Variants in SLC14A2 observed in about 807,000 individuals in gnomAD.
SLC14A2 encodes the protein solute carrier family 14 member 2.
In SLC14A2, 91 loss-of-function variants were observed where a neutral mutation model predicts 104.6. That is an observed-to-expected ratio of 0.87 (90% CI 0.73 to 1.04). SLC14A2 has a LOEUF of 1.04. Among genes scored for constraint, SLC14A2 ranks in the 50% least tolerant of loss-of-function variants. The pLI is 0.00. For synonymous variants in SLC14A2, 476 were observed against 466.4 expected, an observed-to-expected ratio of 1.02 and a Z score of -0.27; for missense variants, 1,189 against 1,156.0, an observed-to-expected ratio of 1.03 and a Z score of -0.41.
chr18:45,416,455 T>C (rs1004569866), intron 1 of SLC14A2, among the ~76,000 whole-genome samples: 10 of 152,178 alleles, frequency 6.6e-5, no homozygotes, highest in Non-Finnish European at 1.2e-4. Context: ...TAATAATTGG[T>C]CGTGGCCTTT....
the SLC14A2 span, chr18:45,169,128 A>C: frequency 6.6e-6 from 1 of 152,224 alleles, no homozygotes; most frequent in African/African-American, 2.4e-5. Flanking sequence ...TGTTGACTCT[A>C]AATACACTCC....
intron 2 of SLC14A2, among the ~76,000 whole-genome samples, chr18:45,599,115 T>G (rs896445942): frequency 2.0e-5 from 3 of 152,180 alleles, no homozygotes; most frequent in African/African-American, 7.2e-5. Flanking sequence ...TAAACAAGTC[T>G]ATAAACCAAA....
chr18:45,607,603 T>C (rs963071225), intron 2 of SLC14A2, among the ~76,000 whole-genome samples: 2 of 152,238 alleles, frequency 1.3e-5, no homozygotes, highest in African/African-American at 4.8e-5. Flanking sequence ...TCATTATCTA[T>C]CAAGGTGTGA....
At position 45,414,779 on chromosome 18, in the gene SLC14A2, T is replaced by A. The variant is rs1365340386; in HGVS notation, c.-124-68454T>A. Among the ~76,000 whole-genome samples the A allele has an allele frequency of 5.9e-4, 73 of 123,052 alleles. 2 individuals are homozygous for A. Among genetic ancestry groups the A allele is most frequent in the African/African-American group, 1.6e-3 (48 of 29,204 alleles). The allele number at this position is 123,052 out of a possible 152,430, so 80.7% of individuals were successfully genotyped here. On this transcript the variant is annotated intron_variant, in intron 1 of 20. Transcript: ENST00000586448. ...AAAAATATATATATATATATATATATATATATATATATATATAGAAAAGTA... is the reference window on the plus strand; with the variant it reads ...AAAAATATATATATATATATATATAAATATATATATATATATAGAAAAGTA...
intron 2 of SLC14A2, among the ~76,000 whole-genome samples, chr18:45,558,978 A>G (rs151156809): frequency 0.024 from 3,591 of 152,062 alleles, 146 homozygotes; most frequent in African/African-American, 0.082. Context: ...TTTAGTAGAG[A>G]CGGGGTTTCA....
In SLC14A2 at chr18:45,673,834, G is replaced by A. The variant is rs747601684; in HGVS notation, c.2512+17G>A. The A allele has an allele frequency of 3.1e-6, 5 of 1,609,336 alleles. No homozygotes were observed. In the South Asian group the frequency reaches 3.3e-5, roughly 11 times the overall value. On this transcript the variant is annotated intron_variant, in intron 18 of 19. Transcript: ENST00000255226. The stretch of plus-strand genomic sequence containing the variant: ...TCGCCTGCGGTAGGTACTCCCCACA[G>A]AGGATTTGTTTCCTTTATAAAAGGC...
At chr18:45,579,804 A>G (rs939274449) in intron 2 of SLC14A2, among the ~76,000 whole-genome samples, 2 of 152,220 alleles carry the variant, frequency 1.3e-5, no homozygotes, top group Non-Finnish European at 2.9e-5. Flanking sequence ...AAACAGAAAA[A>G]GGGGCAGCAA....
chr18:45,573,204 A>C (rs947232682), intron 2 of SLC14A2, among the ~76,000 whole-genome samples: 1 of 152,244 alleles, frequency 6.6e-6, no homozygotes, highest in Non-Finnish European at 1.5e-5. Context: ...GAAATGATTG[A>C]TAGGTCTGGA....
Position 45,556,633 on chromosome 18 carries a change from C to A in SLC14A2, c.-34-67998C>A, listed in dbSNP as rs142048657. ...ATAATAGTAGTTAAATCATGGGATT[C>A]GTGTGAAGATTAAATGAGACAATAT... On this transcript the variant is annotated intron_variant, in intron 2 of 20. Coordinates refer to the SLC14A2 transcript ENST00000586448. 9.9e-3 allele frequency among the ~76,000 whole-genome samples: 1,511 copies of A among 152,236 alleles called. 21 individuals carry two copies. Among genetic ancestry groups the A allele is most frequent in the African/African-American group, 0.035 (1,440 of 41,528 alleles).
intron 2 of SLC14A2, among the ~76,000 whole-genome samples, chr18:45,496,612 A>G (rs1053002391): frequency 2.6e-5 from 4 of 152,160 alleles, no homozygotes; most frequent in African/African-American, 9.7e-5. Context: ...GCAAAAATAC[A>G]AAACCCCATC....
At chr18:45,222,603 G>T (rs1463461949) in intron 1 of SLC14A2, among the ~76,000 whole-genome samples, 2 of 152,172 alleles carry the variant, frequency 1.3e-5, no homozygotes, top group African/African-American at 2.4e-5. Flanking sequence ...GAGAATGGGG[G>T]TTGGGTACCA....
rs2046342398 is a variant in SLC14A2 at position 45,683,380 on chromosome 18, T to G, written c.*861T>G. ...GTTGATTATTCTCTCTCTCCTATAATCTGATGAAATCAGCATGACAACAAG... is the reference window on the plus strand; with the variant it reads ...GTTGATTATTCTCTCTCTCCTATAAGCTGATGAAATCAGCATGACAACAAG... On this transcript the variant is annotated 3_prime_UTR_variant, in exon 20 of 20. Coordinates refer to ENST00000255226, the MANE Select transcript of SLC14A2 (RefSeq NM_007163.4). The G allele has an allele frequency of 6.6e-6, 1 of 152,168 alleles. No homozygotes were observed. Among genetic ancestry groups the G allele is most frequent in the Non-Finnish European group, 1.5e-5 (1 of 68,030 alleles). 9.4% of individuals were successfully genotyped at this position (152,168 alleles called of 1,614,324 possible).
At chr18:45,304,214 A>G (rs1454708464) in intron 1 of SLC14A2, among the ~76,000 whole-genome samples, 1 of 152,202 alleles carries the variant, frequency 6.6e-6, no homozygotes, top group Non-Finnish European at 1.5e-5. Context: ...GTATGCAAAA[A>G]TGTATTTTAC....
intron 1 of SLC14A2, among the ~76,000 whole-genome samples, chr18:45,321,407 T>C (rs1465328351): frequency 2.0e-5 from 3 of 152,236 alleles, no homozygotes; most frequent in African/African-American, 7.2e-5. Flanking sequence ...TTGTGACGTC[T>C]TGATTTTTTA....
chr18:45,668,584 T>A, intron 15 of SLC14A2, 107 bp downstream of exon 15: 1 of 1,243,540 alleles, frequency 8.0e-7, no homozygotes, highest in Non-Finnish European at 1.2e-6. Context: ...GGCATGTATT[T>A]AGCTTGCACA....
At chr18:45,329,857 C>A (rs1017448102) in intron 1 of SLC14A2, among the ~76,000 whole-genome samples, 3 of 152,124 alleles carry the variant, frequency 2.0e-5, no homozygotes, top group Non-Finnish European at 4.4e-5. Context: ...CTCAACTAGG[C>A]AGACACCCAG....
intron 1 of SLC14A2, among the ~76,000 whole-genome samples, chr18:45,443,954 G>A (rs1311378204): frequency 6.6e-6 from 1 of 152,140 alleles, no homozygotes; most frequent in Admixed American, 6.5e-5. Context: ...GAGAAAACAG[G>A]TGCAATTAGC....
At chr18:45,391,380 A>G (rs1318139795) in intron 1 of SLC14A2, among the ~76,000 whole-genome samples, 1 of 152,228 alleles carries the variant, frequency 6.6e-6, no homozygotes, top group African/African-American at 2.4e-5. Flanking sequence ...GTGCCGCAAT[A>G]AACATACGTA....
chr18:45,208,960 AT>A (rs573116957), upstream of SLC14A2, among the ~76,000 whole-genome samples: 21 of 151,486 alleles, frequency 1.4e-4, no homozygotes, highest in African/African-American at 4.8e-4. Flanking sequence ...GCTTTGAATC[AT>A]TTTGAGATGT....
Sources: gnomAD v4.1 joint callset for allele counts (sites outside exome capture counted in the v4.1 genomes callset) on GRCh38, gnomAD v4.1.1 for gene constraint, MANE v1.5 for transcripts, NCBI Gene and HGNC (gene_info 2026-07-23, HGNC 2026-07-21) for gene names.